EHMT1: variants seen among roughly 807,000 people sequenced by gnomAD.
EHMT1 encodes the protein euchromatic histone lysine methyltransferase 1.
A neutral mutation model predicts 147.2 loss-of-function variants in EHMT1; 15 were observed. The observed-to-expected ratio is 0.10, with a 90% CI of 0.07 to 0.16. The LOEUF is 0.16. Among genes scored for constraint, EHMT1 ranks in the 10% least tolerant of loss-of-function variants. The probability of loss-of-function intolerance (pLI) is 1.00; values close to 1 mark genes in which losing one functional copy is unlikely to be tolerated. For synonymous variants in EHMT1, 795 were observed against 709.6 expected (o/e 1.12, Z -1.91); for missense variants, 1,587 against 1,772.4 (o/e 0.90, Z 1.88).
intron 1 of EHMT1, among the ~76,000 whole-genome samples, chr9:137,669,325 C>G: frequency 7.4e-6 from 1 of 135,606 alleles, no homozygotes; most frequent in African/African-American, 2.9e-5. Flanking sequence ...AAAGACGCCC[C>G]CACAGCACGT....
chr9:137,673,541 G>T (rs1940915098), intron 1 of EHMT1, among the ~76,000 whole-genome samples: 2 of 152,128 alleles, frequency 1.3e-5, no homozygotes, highest in African/African-American at 4.8e-5. Context: ...CGGCCTCGAG[G>T]ATGTGCCAGG....
intron 1 of EHMT1, among the ~76,000 whole-genome samples, chr9:137,678,584 C>G (rs1447309662): frequency 3.9e-5 from 6 of 152,080 alleles, no homozygotes; most frequent in African/African-American, 1.2e-4. Flanking sequence ...CTTCTGAGAT[C>G]CCTAGCTGAT....
Position 137,776,521 on chromosome 9 carries a change from C to T in EHMT1, c.1792-97C>T, listed in dbSNP as rs368966620. 9.0e-5 allele frequency: 114 copies of T among 1,272,244 alleles called. No individual in the cohort carries two copies. The African/African-American group carries it at 1.6e-3, about 18-fold the overall frequency. 78.8% of individuals were successfully genotyped at this position (1,272,244 alleles called of 1,614,324 possible). ...GACCCATGGCTCACTCTGCAGACCG[C>T]CCGATGTGGGATGCGGTGCCAGTTT... On this transcript the variant is annotated intron_variant, in intron 11 of 26. Transcript: ENST00000460843. The surrounding 1 kb of genome is among the most constrained non-coding windows in gnomAD (Gnocchi z 4.4).
chr9:137,821,202 G>A (rs1381990965), intron 25 of EHMT1, among the ~76,000 whole-genome samples: 1 of 150,590 alleles, frequency 6.6e-6, no homozygotes, highest in Non-Finnish European at 1.5e-5. Flanking sequence ...TGTAGTTTTA[G>A]TAGAGGTGGG....
At chr9:137,774,252 G>C (rs181850916) in intron 10 of EHMT1, among the ~76,000 whole-genome samples, 1 of 152,270 alleles carries the variant, frequency 6.6e-6, no homozygotes, top group Non-Finnish European at 1.5e-5. Context: ...CTTGACTTCT[G>C]CCAGAGTTGA....
chr9:137,762,649 G>A, intron 9 of EHMT1, 26 bp from the exon 10 acceptor site: 3 of 1,614,116 alleles, frequency 1.9e-6, no homozygotes, highest in African/African-American at 1.3e-5. Context: ...GATTGCATGA[G>A]CTGACATGTG....
At chr9:137,634,493 A>AT (rs1486404870) in intron 1 of EHMT1, among the ~76,000 whole-genome samples, 1 of 152,136 alleles carries the variant, frequency 6.6e-6, no homozygotes, top group Non-Finnish European at 1.5e-5. Context: ...TATTCCGTTG[A>AT]TGTATATGTC....
chr9:137,663,957 A>G (rs1216835722), intron 1 of EHMT1, among the ~76,000 whole-genome samples: 1 of 152,252 alleles, frequency 6.6e-6, no homozygotes, highest in Admixed American at 6.5e-5. Context: ...TAAGTACTAT[A>G]TAGTATATGC....
At chr9:137,619,274 G>C (rs1842800439) in intron 1 of EHMT1, among the ~76,000 whole-genome samples, 1 of 145,924 alleles carries the variant, frequency 6.9e-6, no homozygotes, top group Admixed American at 6.8e-5. Context: ...TGTGCGCGGC[G>C]CGGGCCGGGC....
At chr9:137,660,669 TCTGA>T (rs1198070629) in intron 1 of EHMT1, among the ~76,000 whole-genome samples, 6 of 152,226 alleles carry the variant, frequency 3.9e-5, no homozygotes, top group Non-Finnish European at 8.8e-5. Flanking sequence ...TCACAATATA[TCTGA>T]CTATTTGTGA....
At chr9:137,684,844 TTATATG>T (rs1435282752) in intron 1 of EHMT1, among the ~76,000 whole-genome samples, 2 of 152,218 alleles carry the variant, frequency 1.3e-5, no homozygotes, top group Non-Finnish European at 2.9e-5. Flanking sequence ...GTCAGGAAGT[TTATATG>T]TATGTTTAAA....
At chr9:137,683,608 T>A (rs982773903) in intron 1 of EHMT1, among the ~76,000 whole-genome samples, 1 of 152,220 alleles carries the variant, frequency 6.6e-6, no homozygotes, top group African/African-American at 2.4e-5. Flanking sequence ...TTTTTGCTCA[T>A]ATTGGTTAAG....
chr9:137,753,588 C>CCCCG (rs1217309181), intron 7 of EHMT1, among the ~76,000 whole-genome samples: 1 of 152,214 alleles, frequency 6.6e-6, no homozygotes, highest in East Asian at 1.9e-4. Context: ...CTTAAATGTC[C>CCCCG]CCCGCCCACT....
intron 1 of EHMT1, chr9:137,674,869 T>G (rs1446788705): frequency 6.6e-6 from 1 of 152,220 alleles, no homozygotes; most frequent in Non-Finnish European, 1.5e-5. Flanking sequence ...GCCCTACTGC[T>G]GCTGGAATTT....
chr9:137,683,135 G>T (rs766210365), intron 1 of EHMT1, among the ~76,000 whole-genome samples: 1 of 152,208 alleles, frequency 6.6e-6, no homozygotes, highest in Non-Finnish European at 1.5e-5. Context: ...TGTTTGACAG[G>T]CATTCTCATT....
At chr9:137,773,221 T>C (rs963920787) in intron 10 of EHMT1, among the ~76,000 whole-genome samples, 4 of 152,232 alleles carry the variant, frequency 2.6e-5, no homozygotes, top group Non-Finnish European at 4.4e-5. Context: ...AACTTGTTTT[T>C]CCTTTAATGT....
At chr9:137,675,496 C>T (rs971795501) in intron 1 of EHMT1, among the ~76,000 whole-genome samples, 3 of 152,088 alleles carry the variant, frequency 2.0e-5, no homozygotes, top group Non-Finnish European at 2.9e-5. Flanking sequence ...TAGAGTCTTG[C>T]TCTGTTGCCC....
chr9:137,678,974 G>A (rs184267555), intron 1 of EHMT1, among the ~76,000 whole-genome samples: 315 of 152,150 alleles, frequency 2.1e-3, no homozygotes, highest in Non-Finnish European at 3.0e-3. Flanking sequence ...ATTTTTTTGA[G>A]ATGGAGTCTG....
chr9:137,754,082 C>A (rs573456001), intron 7 of EHMT1, 89 bp from the exon 8 acceptor site: 1 of 1,592,024 alleles, frequency 6.3e-7, no homozygotes, highest in Admixed American at 1.7e-5. Context: ...AGCCAGTGTT[C>A]TGTTTTGCAA....
Sources: allele counts gnomAD v4.1 joint callset (sites outside exome capture counted in the v4.1 genomes callset), GRCh38; gene constraint gnomAD v4.1.1; non-coding constraint Gnocchi (gnomAD v3.1); transcripts MANE v1.5; gene names NCBI Gene and HGNC (gene_info 2026-07-23, HGNC 2026-07-21).